The following CCDC38 variants were observed in gnomAD, a reference collection of about 807,000 sequenced individuals.
The protein encoded by CCDC38 is coiled-coil domain containing 38, also known as coiled-coil domain-containing protein 38.
CCDC38 carries 69 observed loss-of-function variants against 72.8 expected under a neutral mutation model. The observed-to-expected ratio is 0.95, with a 90% CI of 0.78 to 1.16. The LOEUF is 1.16. Ranked by LOEUF, CCDC38 falls within the 50% of genes most tolerant of loss-of-function variation. The pLI, the probability that CCDC38 is intolerant of heterozygous loss-of-function variation, is 0.00. For synonymous variants in CCDC38, 201 were observed against 213.2 expected (o/e 0.94, Z 0.50); for missense variants, 626 against 638.9 (o/e 0.98, Z 0.22).
intron 4 of CCDC38, among the ~76,000 whole-genome samples, chr12:95,907,456 A>AC (rs1267565809): frequency 3.7e-5 from 3 of 80,750 alleles, no homozygotes; most frequent in Non-Finnish European, 6.7e-5. Flanking sequence ...CAGGGGGCTG[A>AC]CCCCCCCACC....
At chr12:95,891,485 A>G (rs1164569411) in intron 8 of CCDC38, among the ~76,000 whole-genome samples, 1 of 151,988 alleles carries the variant, frequency 6.6e-6, no homozygotes, top group East Asian at 1.9e-4. Context: ...AGCTGGGACT[A>G]CAGGTGTCCA....
chr12:95,930,400 T>C (rs2080325347), intron 2 of CCDC38, among the ~76,000 whole-genome samples: 1 of 152,198 alleles, frequency 6.6e-6, no homozygotes, highest in African/African-American at 2.4e-5. Context: ...TCCATGACTT[T>C]AACCTAGCTT....
chr12:95,889,997 G>T (rs1044005224), intron 9 of CCDC38, among the ~76,000 whole-genome samples: 3 of 151,990 alleles, frequency 2.0e-5, no homozygotes, highest in Non-Finnish European at 2.9e-5. Flanking sequence ...CCATGGCCTC[G>T]ATTTGCTGGG....
intron 4 of CCDC38, among the ~76,000 whole-genome samples, chr12:95,915,028 G>A (rs993485185): frequency 6.6e-6 from 1 of 152,136 alleles, no homozygotes; most frequent in African/African-American, 2.4e-5. Flanking sequence ...TGATGGGTCA[G>A]CCAAATTGAA....
chr12:95,883,881 G>A (rs1270999934), intron 10 of CCDC38, among the ~76,000 whole-genome samples: 1 of 152,170 alleles, frequency 6.6e-6, no homozygotes, highest in African/African-American at 2.4e-5. Context: ...GCATTTGGCA[G>A]GATTCAACAC....
chr12:95,887,545 G>T (rs533197097), intron 10 of CCDC38, among the ~76,000 whole-genome samples: 126 of 152,286 alleles, frequency 8.3e-4, no homozygotes, highest in Non-Finnish European at 1.4e-3. Flanking sequence ...GAACATTCTT[G>T]GAATAACACA....
intron 4 of CCDC38, among the ~76,000 whole-genome samples, chr12:95,913,094 CAAATAG>C (rs1322732760): frequency 6.6e-6 from 1 of 151,988 alleles, no homozygotes; most frequent in Non-Finnish European, 1.5e-5. Context: ...AAAAAAAATG[CAAATAG>C]AAATAGAAAG....
intron 14 of CCDC38, 160 bp from the exon 15 acceptor site, chr12:95,869,733 C>T: frequency 1.8e-6 from 1 of 564,608 alleles, no homozygotes. Flanking sequence ...TTTGAATATT[C>T]AGGTAAATCT....
chr12:95,903,389 T>G, intron 5 of CCDC38: 1 of 694,130 alleles, frequency 1.4e-6, no homozygotes. Flanking sequence ...TTTTTTTTCT[T>G]GTCTTATTGC....
intron 10 of CCDC38, chr12:95,885,902 T>C (rs1043748553): frequency 6.6e-6 from 1 of 152,232 alleles, no homozygotes; most frequent in African/African-American, 2.4e-5. Flanking sequence ...TGTCCAAAGA[T>C]AAGTAGCAGT....
chr12:95,939,021 G>A (rs2080421992), intron 1 of CCDC38, among the ~76,000 whole-genome samples: 1 of 152,184 alleles, frequency 6.6e-6, no homozygotes, highest in South Asian at 2.1e-4. Flanking sequence ...AAATGATTAA[G>A]AACATAGACT....
rs1007147031 is a variant in CCDC38 at position 95,883,925 on chromosome 12, C to T, written c.921-2371G>A. ...ATAAAAACTCTCAGGAAAACTGGAA[C>T]AGAGAAGAACTTTCTTAACTTGATA... is the stretch of plus-strand genomic sequence containing the variant. On this transcript the variant is annotated intron_variant, in intron 10 of 15. Coordinates refer to ENST00000344280, the MANE Select transcript of CCDC38 (RefSeq NM_182496.3). Among the ~76,000 whole-genome samples, 3 of 152,130 alleles carry T rather than the reference C, an allele frequency of 2.0e-5. No individual in the cohort carries two copies. In the South Asian group the frequency reaches 6.2e-4, roughly 31 times the overall value.
At chr12:95,907,274 T>G (rs1419216160) in intron 4 of CCDC38, among the ~76,000 whole-genome samples, 2 of 144,786 alleles carry the variant, frequency 1.4e-5, no homozygotes, top group East Asian at 4.1e-4. Flanking sequence ...TTCCCCACCT[T>G]TCCCCCCTTT....
chr12:95,873,839 C>T (rs549247770), intron 13 of CCDC38, among the ~76,000 whole-genome samples: 1 of 152,328 alleles, frequency 6.6e-6, no homozygotes, highest in South Asian at 2.1e-4. Flanking sequence ...AAGAGTACTT[C>T]CAACAGCTTT....
chr12:95,911,657 A>G (rs2080095831), intron 4 of CCDC38, among the ~76,000 whole-genome samples: 1 of 152,224 alleles, frequency 6.6e-6, no homozygotes, highest in African/African-American at 2.4e-5. Context: ...AATCAAAATC[A>G]CAATGAGATG....
intron 1 of CCDC38, among the ~76,000 whole-genome samples, chr12:95,937,838 G>A (rs2080410435): frequency 6.6e-6 from 1 of 152,162 alleles, no homozygotes; most frequent in Admixed American, 6.5e-5. Context: ...TTCTACGTGT[G>A]GGGGACAGGG....
At chr12:95,919,598 C>T (rs1258687800) in intron 2 of CCDC38, 2 of 455,894 alleles carry the variant, frequency 4.4e-6, no homozygotes, top group East Asian at 1.4e-4. Context: ...TGTCTGTTTC[C>T]CACAGCACCG....
chr12:95,938,335 T>G (rs190872818), intron 1 of CCDC38, among the ~76,000 whole-genome samples: 22 of 152,198 alleles, frequency 1.4e-4, no homozygotes, highest in African/African-American at 5.1e-4. Flanking sequence ...AATTTTACAC[T>G]CTGTACTCAT....
intron 11 of CCDC38, 93 bp downstream of exon 11, chr12:95,881,392 T>G: frequency 1.0e-6 from 1 of 959,434 alleles, no homozygotes; most frequent in South Asian, 1.5e-5. Flanking sequence ...TGTGCAATAT[T>G]TTGAATAAAA....
Sources: gnomAD v4.1 joint callset for allele counts (sites outside exome capture counted in the v4.1 genomes callset) on GRCh38, gnomAD v4.1.1 for gene constraint, MANE v1.5 for transcripts, NCBI Gene and HGNC (gene_info 2026-07-23, HGNC 2026-07-21) for gene names.